The following LINGO2 variants were observed in gnomAD, a reference collection of about 807,000 sequenced individuals.
LINGO2 encodes the protein leucine rich repeat and Ig domain containing 2.
In LINGO2, 14 loss-of-function variants were observed where a neutral mutation model predicts 30.6. That is an observed-to-expected ratio of 0.46 (90% CI 0.30 to 0.72). LINGO2 has a LOEUF of 0.72. LINGO2 is among the 30% of genes least tolerant of loss of function. The pLI is 0.07. For missense variants in LINGO2, 729 were observed against 751.7 expected, an observed-to-expected ratio of 0.97 and a Z score of 0.35; for synonymous variants, 317 against 288.5, an observed-to-expected ratio of 1.10 and a Z score of -1.00.
chr9:28,520,656 C>A (rs2135398149), intron 1 of LINGO2, among the ~76,000 whole-genome samples: 1 of 152,116 alleles, frequency 6.6e-6, no homozygotes, highest in East Asian at 1.9e-4. Context: ...CAGCCTAGTA[C>A]CCAAGAGGCA....
the LINGO2 span, chr9:28,889,068 G>A: frequency 3.7e-5 from 14 of 375,228 alleles, no homozygotes; most frequent in Non-Finnish European, 7.1e-5. Flanking sequence ...CTTGCCTGGT[G>A]CTTGTGATTC....
chr9:28,107,342 C>A (rs1333400619), intron 4 of LINGO2, among the ~76,000 whole-genome samples: 1 of 152,034 alleles, frequency 6.6e-6, no homozygotes, highest in Non-Finnish European at 1.5e-5. Context: ...ATTTCTAAAT[C>A]TTTATTTTGT....
chr9:28,043,659 C>A (rs571564922), intron 4 of LINGO2, among the ~76,000 whole-genome samples: 1 of 152,244 alleles, frequency 6.6e-6, no homozygotes, highest in African/African-American at 2.4e-5. Flanking sequence ...ACCCATCACC[C>A]AGTTTCAACA....
At chr9:28,824,385 G>A in the LINGO2 span, among the ~76,000 whole-genome samples, 2 of 152,286 alleles carry the variant, frequency 1.3e-5, no homozygotes, top group Non-Finnish European at 2.9e-5. Context: ...TTTAACAAGT[G>A]TGACCTGATG....
At chr9:27,971,055 C>T (rs1296424174) in intron 5 of LINGO2, among the ~76,000 whole-genome samples, 5 of 151,672 alleles carry the variant, frequency 3.3e-5, no homozygotes, top group Non-Finnish European at 7.4e-5. Flanking sequence ...ATAGAGAAAG[C>T]CCCTAGCAAA....
the LINGO2 span, among the ~76,000 whole-genome samples, chr9:28,997,135 A>G: frequency 6.6e-6 from 1 of 152,188 alleles, no homozygotes; most frequent in Non-Finnish European, 1.5e-5. Flanking sequence ...TTAAATAATA[A>G]TCATAGTGGA....
intron 3 of LINGO2, among the ~76,000 whole-genome samples, chr9:28,313,172 A>C (rs980135345): frequency 6.6e-6 from 1 of 152,210 alleles, no homozygotes; most frequent in South Asian, 2.1e-4. Context: ...AATTGAGAGA[A>C]GTTATATCAT....
At chr9:29,062,410 A>G in the LINGO2 span, among the ~76,000 whole-genome samples, 6 of 152,206 alleles carry the variant, frequency 3.9e-5, no homozygotes, top group Admixed American at 1.3e-4. Flanking sequence ...AGCATTATTC[A>G]TAATAGCCAG....
intron 5 of LINGO2, among the ~76,000 whole-genome samples, chr9:27,998,848 A>G (rs1004857708): frequency 1.3e-5 from 2 of 152,116 alleles, no homozygotes; most frequent in African/African-American, 2.4e-5. Flanking sequence ...GAGATCCATA[A>G]CTGCCACAGC....
At chr9:29,151,265 T>C in the LINGO2 span, among the ~76,000 whole-genome samples, 1 of 152,112 alleles carries the variant, frequency 6.6e-6, no homozygotes, top group Non-Finnish European at 1.5e-5. Flanking sequence ...AAGAGAGTGC[T>C]AAACACAGAA....
chr9:28,241,477 GA>G (rs776443849), intron 4 of LINGO2, among the ~76,000 whole-genome samples: 4 of 151,996 alleles, frequency 2.6e-5, no homozygotes, highest in Admixed American at 2.6e-4. Flanking sequence ...AGTGAGGAAG[GA>G]AGGGCAGTGT....
chr9:29,123,933 AC>A, the LINGO2 span, among the ~76,000 whole-genome samples: 27 of 152,056 alleles, frequency 1.8e-4, no homozygotes, highest in Non-Finnish European at 2.1e-4. Context: ...ATTTTTAAAG[AC>A]CCAATTTCTA....
At chr9:28,970,666 C>G in the LINGO2 span, among the ~76,000 whole-genome samples, 1 of 152,138 alleles carries the variant, frequency 6.6e-6, no homozygotes, top group South Asian at 2.1e-4. Context: ...GACATCCACC[C>G]ACAGACCGGA....
intron 4 of LINGO2, among the ~76,000 whole-genome samples, chr9:28,267,720 T>G (rs1474141352): frequency 6.6e-6 from 1 of 152,010 alleles, no homozygotes; most frequent in Non-Finnish European, 1.5e-5. Context: ...ACTTTCTTCG[T>G]ACGCCAAATT....
At chr9:29,161,199 G>A in the LINGO2 span, among the ~76,000 whole-genome samples, 3 of 152,106 alleles carry the variant, frequency 2.0e-5, no homozygotes, top group Non-Finnish European at 2.9e-5. Flanking sequence ...GAGAGGAGGC[G>A]CAGAGCCACA....
the LINGO2 span, among the ~76,000 whole-genome samples, chr9:29,050,218 GT>G: frequency 4.2e-4 from 64 of 152,196 alleles, no homozygotes; most frequent in African/African-American, 1.2e-3. Context: ...TAGAGATGGG[GT>G]TTCACCATGT....
the LINGO2 span, among the ~76,000 whole-genome samples, chr9:28,797,918 C>A: frequency 7.9e-5 from 12 of 151,826 alleles, no homozygotes; most frequent in South Asian, 2.1e-4. Context: ...AAGCAGCAGC[C>A]CATGAGGCAG....
At chr9:28,624,429 A>G (rs1051157506) in intron 1 of LINGO2, among the ~76,000 whole-genome samples, 1 of 151,940 alleles carries the variant, frequency 6.6e-6, no homozygotes, top group Non-Finnish European at 1.5e-5. Context: ...AATTGATCAT[A>G]TGCTTTTTGT....
intron 4 of LINGO2, among the ~76,000 whole-genome samples, chr9:28,242,649 A>G (rs910546285): frequency 2.0e-5 from 3 of 152,124 alleles, no homozygotes; most frequent in Non-Finnish European, 4.4e-5. Context: ...CCATGAGAAG[A>G]TCAACCCCAA....
Sources: allele counts gnomAD v4.1 joint callset (sites outside exome capture counted in the v4.1 genomes callset), GRCh38; gene constraint gnomAD v4.1.1; transcripts MANE v1.5; gene names NCBI Gene and HGNC (gene_info 2026-07-23, HGNC 2026-07-21).